The following ENTREP2 variants were observed in gnomAD, a reference collection of about 807,000 sequenced individuals.
The protein encoded by ENTREP2 is protein ENTREP2.
the ENTREP2 span, among the ~76,000 whole-genome samples, chr15:29,458,188 G>A: frequency 7.9e-5 from 12 of 152,230 alleles, no homozygotes; most frequent in African/African-American, 2.6e-4. Flanking sequence ...CAGGAGCACC[G>A]ATGTCCGAAG....
At chr15:29,507,881 A>G in the ENTREP2 span, among the ~76,000 whole-genome samples, 5 of 152,198 alleles carry the variant, frequency 3.3e-5, no homozygotes, top group African/African-American at 9.6e-5. Context: ...AAGCTAGCAG[A>G]AGACAAGAAA....
At chr15:29,170,252 G>T in the ENTREP2 span, among the ~76,000 whole-genome samples, 1 of 144,030 alleles carries the variant, frequency 6.9e-6, no homozygotes, top group African/African-American at 2.6e-5. Context: ...AGCTTGCAGT[G>T]AGCTGAGATC....
At chr15:29,485,299 AC>A in the ENTREP2 span, among the ~76,000 whole-genome samples, 2 of 152,122 alleles carry the variant, frequency 1.3e-5, no homozygotes, top group African/African-American at 4.8e-5. Flanking sequence ...ACAGTGCAGG[AC>A]CTGGCCCCTG....
chr15:29,299,481 C>A, the ENTREP2 span, among the ~76,000 whole-genome samples: 112 of 152,278 alleles, frequency 7.4e-4, no homozygotes, highest in Non-Finnish European at 1.3e-3. Context: ...AACTCACCAG[C>A]CAGGCTCCAG....
the ENTREP2 span, among the ~76,000 whole-genome samples, chr15:29,464,709 C>T: frequency 1.3e-5 from 2 of 152,082 alleles, no homozygotes; most frequent in Non-Finnish European, 2.9e-5. Context: ...GAAGAGGAGG[C>T]GATGTGGAGG....
the ENTREP2 span, among the ~76,000 whole-genome samples, chr15:29,204,849 C>T: frequency 6.6e-6 from 1 of 152,172 alleles, no homozygotes; most frequent in Admixed American, 6.5e-5. Context: ...TTACCATCTT[C>T]ACCATTTGTC....
At chr15:29,350,262 C>G in the ENTREP2 span, among the ~76,000 whole-genome samples, 1 of 152,064 alleles carries the variant, frequency 6.6e-6, no homozygotes, top group Non-Finnish European at 1.5e-5. Flanking sequence ...ATAAATTAAG[C>G]CATCTCATCT....
chr15:29,577,771 G>C, the ENTREP2 span, among the ~76,000 whole-genome samples: 1 of 152,172 alleles, frequency 6.6e-6, no homozygotes, highest in African/African-American at 2.4e-5. Flanking sequence ...AGGAAATTTT[G>C]ACACATGCTA....
the ENTREP2 span, among the ~76,000 whole-genome samples, chr15:29,564,701 C>T: frequency 1.1e-4 from 17 of 152,268 alleles, no homozygotes; most frequent in African/African-American, 4.1e-4. Flanking sequence ...TTGGGTTCCA[C>T]CACCTGTCAA....
chr15:29,268,653 CAAACACATCCT>C, the ENTREP2 span: 15 of 739,090 alleles, frequency 2.0e-5, no homozygotes, highest in Non-Finnish European at 3.0e-5. Flanking sequence ...CAAAACTTTG[CAAACACATCCT>C]AAAGCTACAC....
chr15:29,425,092 G>C, the ENTREP2 span, among the ~76,000 whole-genome samples: 1 of 152,050 alleles, frequency 6.6e-6, no homozygotes, highest in Non-Finnish European at 1.5e-5. Flanking sequence ...GCAGTGGCAT[G>C]ATCTCCACTC....
the ENTREP2 span, among the ~76,000 whole-genome samples, chr15:29,515,554 G>A: frequency 6.6e-6 from 1 of 152,126 alleles, no homozygotes; most frequent in Non-Finnish European, 1.5e-5. Flanking sequence ...CAAACCACAA[G>A]GAATGAATTC....
chr15:29,237,096 G>T, the ENTREP2 span, among the ~76,000 whole-genome samples: 6 of 152,132 alleles, frequency 3.9e-5, no homozygotes, highest in Admixed American at 3.3e-4. Flanking sequence ...AAATCCACCA[G>T]ATCAACAAGC....
the ENTREP2 span, among the ~76,000 whole-genome samples, chr15:29,601,735 A>G: frequency 0.48 from 72,393 of 152,004 alleles, 20,375 homozygotes; most frequent in African/African-American, 0.79. Flanking sequence ...TTGACCTTCT[A>G]ATTATCTGTT....
the ENTREP2 span, among the ~76,000 whole-genome samples, chr15:29,563,844 A>AAATAAATAAATAAATAAAT: frequency 4.0e-3 from 597 of 150,894 alleles, 4 homozygotes; most frequent in African/African-American, 0.013. Flanking sequence ...CTCAAAAATA[A>AAATAAATAAATAAATAAAT]AAATAAATAA....
chr15:29,136,591 A>C, the ENTREP2 span: 1 of 1,382,606 alleles, frequency 7.2e-7, no homozygotes, highest in Non-Finnish European at 9.7e-7. Flanking sequence ...AGGGGCGGCC[A>C]GGGCTTCCCC....
the ENTREP2 span, among the ~76,000 whole-genome samples, chr15:29,620,738 A>G: frequency 6.6e-6 from 1 of 152,092 alleles, no homozygotes; most frequent in Non-Finnish European, 1.5e-5. Context: ...GAGTTCATGG[A>G]AACTGCCTGG....
the ENTREP2 span, among the ~76,000 whole-genome samples, chr15:29,238,113 T>C: frequency 6.6e-6 from 1 of 152,196 alleles, no homozygotes; most frequent in Non-Finnish European, 1.5e-5. Context: ...GACTACATAT[T>C]ATGTGATTCC....
the ENTREP2 span, among the ~76,000 whole-genome samples, chr15:29,402,769 G>T: frequency 6.6e-6 from 1 of 152,172 alleles, no homozygotes; most frequent in Non-Finnish European, 1.5e-5. Flanking sequence ...AGTTACCATG[G>T]TTATCTCCAG....
Sources: gnomAD v4.1 joint callset for allele counts (sites outside exome capture counted in the v4.1 genomes callset) on GRCh38, gnomAD v4.1.1 for gene constraint, MANE v1.5 for transcripts, NCBI Gene and HGNC (gene_info 2026-07-23, HGNC 2026-07-21) for gene names.